DSCAM: variants seen among roughly 807,000 people sequenced by gnomAD.
The protein encoded by DSCAM is DS cell adhesion molecule.
A neutral mutation model predicts 217.7 loss-of-function variants in DSCAM; 47 were observed. That is an observed-to-expected ratio of 0.22 (90% CI 0.17 to 0.28). DSCAM has a LOEUF of 0.28. Among genes scored for constraint, DSCAM ranks in the 10% least tolerant of loss-of-function variants. The pLI is 1.00. For missense variants in DSCAM, 2,080 were observed against 2,618.3 expected (o/e 0.79, Z 4.49); for synonymous variants, 1,056 against 1,015.3 (o/e 1.04, Z -0.76).
At chr21:40,024,316 T>G (rs1348199438) in intron 32 of DSCAM, among the ~76,000 whole-genome samples, 20 of 91,412 alleles carry the variant, frequency 2.2e-4, no homozygotes, top group African/African-American at 6.3e-4. Context: ...TGCCTCCAGC[T>G]TTTTTCTTTT....
chr21:40,767,478 ATT>A (rs999722855), intron 1 of DSCAM, among the ~76,000 whole-genome samples: 4 of 152,070 alleles, frequency 2.6e-5, no homozygotes, highest in Non-Finnish European at 5.9e-5. Context: ...CCTGATGCCC[ATT>A]TTCTTTTTTA....
chr21:40,220,170 G>A (rs753832250), intron 11 of DSCAM, among the ~76,000 whole-genome samples: 11 of 152,116 alleles, frequency 7.2e-5, no homozygotes, highest in Non-Finnish European at 1.3e-4. Context: ...CTGTGGCCTG[G>A]GGTCCTGGAA....
In DSCAM at chr21:40,225,710, G is replaced by T. The variant is rs563793337; in HGVS notation, c.2357-36472C>A. ...TCCCTATCCCTACCTATTACCGCTG[G>T]GGTCCACACGATCTTTGTTGGGACC... On this transcript the variant is annotated intron_variant, in intron 11 of 32. Transcript: ENST00000400454. Among the ~76,000 whole-genome samples, 5 of 152,188 alleles carry T rather than the reference G, an allele frequency of 3.3e-5. 1 individual carries two copies. In the South Asian group the frequency reaches 1.0e-3, roughly 32 times the overall value.
At chr21:40,076,992 G>T (rs2089374624) in intron 26 of DSCAM, among the ~76,000 whole-genome samples, 1 of 152,170 alleles carries the variant, frequency 6.6e-6, no homozygotes, top group Admixed American at 6.5e-5. Flanking sequence ...ACAGGGAGAG[G>T]CCAGCTTGGA....
chr21:40,504,466 G>A (rs577840175), intron 3 of DSCAM, among the ~76,000 whole-genome samples: 3 of 152,256 alleles, frequency 2.0e-5, no homozygotes, highest in Admixed American at 1.3e-4. Flanking sequence ...CAGAATTCTC[G>A]ATGTGGAATA....
At chr21:40,476,187 A>G (rs941145121) in intron 3 of DSCAM, among the ~76,000 whole-genome samples, 2 of 152,100 alleles carry the variant, frequency 1.3e-5, no homozygotes, top group African/African-American at 4.8e-5. Context: ...TTGTATTTCT[A>G]TAGGAGGGTC....
chr21:40,315,424 T>C (rs539234718), intron 8 of DSCAM, among the ~76,000 whole-genome samples: 5 of 148,936 alleles, frequency 3.4e-5, no homozygotes, highest in Admixed American at 6.7e-5. Context: ...AAGGAAAACA[T>C]AGAGTGTAGG....
chr21:40,688,047 C>T (rs898689410), intron 3 of DSCAM, among the ~76,000 whole-genome samples: 8 of 152,142 alleles, frequency 5.3e-5, no homozygotes, highest in African/African-American at 1.9e-4. Flanking sequence ...AATCATCCTT[C>T]GACCTGAACT....
chr21:40,347,821 G>A lies in DSCAM; in HGVS notation c.1059C>T (p.Ile353=), dbSNP rs749919973. 9.9e-6 allele frequency: 16 copies of A among 1,614,160 alleles called. No individual in the cohort carries two copies. The highest frequency in any genetic ancestry group is 8.8e-5 in the South Asian group (8 of 91,090). The change falls in exon 6 of 33, where the codon ATC becomes ATT. Residue 353 remains isoleucine (I), a synonymous_variant. Coordinates refer to ENST00000400454, the MANE Select transcript of DSCAM (RefSeq NM_001389.5). ...QELSWYRNGE[I]LNPGKNVRIT... ...TCCTCACATTTTTTCCAGGGTTGAGGATTTCACCATTGCGGTACCAGGAGA... is the reference window on the plus strand; with the variant it reads ...TCCTCACATTTTTTCCAGGGTTGAGAATTTCACCATTGCGGTACCAGGAGA...
At chr21:40,145,947 T>G (rs942448843) in intron 16 of DSCAM, among the ~76,000 whole-genome samples, 3 of 147,868 alleles carry the variant, frequency 2.0e-5, no homozygotes, top group Non-Finnish European at 4.5e-5. Flanking sequence ...TTTATGTGTA[T>G]GCGTGTATGT....
intron 11 of DSCAM, among the ~76,000 whole-genome samples, chr21:40,257,895 C>A (rs1342190232): frequency 6.6e-6 from 1 of 152,058 alleles, no homozygotes; most frequent in Non-Finnish European, 1.5e-5. Flanking sequence ...CTACAGAAAG[C>A]CCCTTTCTCC....
Position 40,192,168 on chromosome 21 carries a change from C to T in DSCAM, c.2357-2930G>A, listed in dbSNP as rs376902429. On this transcript the variant is annotated intron_variant, in intron 11 of 32. Transcript: ENST00000400454. The stretch of plus-strand genomic sequence containing the variant: ...GCATTTACATTACCCCAAAAGATTT[C>T]TCCTGCCCATTTGCAGTCATTTCTC... Among the ~76,000 whole-genome samples, 5 of 152,240 alleles carry T rather than the reference C, an allele frequency of 3.3e-5. No homozygotes were observed. The East Asian group carries it at 7.7e-4, about 24-fold the overall frequency.
intron 1 of DSCAM, among the ~76,000 whole-genome samples, chr21:40,784,798 T>C (rs1454166071): frequency 1.3e-5 from 2 of 152,180 alleles, no homozygotes; most frequent in African/African-American, 4.8e-5. Flanking sequence ...CCTAACCAGA[T>C]GCCGAACCTT....
intron 9 of DSCAM, among the ~76,000 whole-genome samples, chr21:40,297,608 C>A (rs945226986): frequency 1.2e-4 from 18 of 152,246 alleles, no homozygotes; most frequent in African/African-American, 3.9e-4. Flanking sequence ...CCTAAGTTAG[C>A]AAGGGGCTTA....
At chr21:40,076,668 C>A (rs766516852) in intron 26 of DSCAM, among the ~76,000 whole-genome samples, 70 of 152,198 alleles carry the variant, frequency 4.6e-4, no homozygotes, top group Non-Finnish European at 9.3e-4. Flanking sequence ...CATTTAAAAT[C>A]CGCAGAACAC....
chr21:40,534,029 T>C (rs563557963), intron 3 of DSCAM, among the ~76,000 whole-genome samples: 2 of 152,340 alleles, frequency 1.3e-5, no homozygotes, highest in African/African-American at 4.8e-5. Flanking sequence ...CTGCATCTAC[T>C]TTATTCCTAT....
intron 1 of DSCAM, among the ~76,000 whole-genome samples, chr21:40,718,280 T>C (rs765899041): frequency 7.2e-5 from 11 of 152,236 alleles, no homozygotes; most frequent in Non-Finnish European, 1.0e-4. Context: ...GAGACATATT[T>C]GGCAGCCAGG....
chr21:40,521,574 GCTGT>G (rs1360658009), intron 3 of DSCAM, among the ~76,000 whole-genome samples: 2 of 147,072 alleles, frequency 1.4e-5, no homozygotes, highest in Non-Finnish European at 3.0e-5. Flanking sequence ...AATTTTTTTT[GCTGT>G]CTTTTTGCTG....
chr21:40,039,571 T>C (rs2088704521), intron 32 of DSCAM, among the ~76,000 whole-genome samples: 1 of 152,150 alleles, frequency 6.6e-6, no homozygotes, highest in South Asian at 2.1e-4. Context: ...TATATATTTA[T>C]GTATAGAGAG....
Sources: allele counts gnomAD v4.1 joint callset (sites outside exome capture counted in the v4.1 genomes callset), GRCh38; gene constraint gnomAD v4.1.1; transcripts MANE v1.5; gene names NCBI Gene and HGNC (gene_info 2026-07-23, HGNC 2026-07-21).